The following ELOVL2 variants were observed in gnomAD, a reference collection of about 807,000 sequenced individuals.
The protein encoded by ELOVL2 is very long chain fatty acid elongase 2.
Under a neutral mutation model 37.7 loss-of-function variants are expected in ELOVL2, and 38 were observed. That is an observed-to-expected ratio of 1.01 (90% CI 0.78 to 1.32). The LOEUF is 1.32. Among genes scored for constraint, ELOVL2 ranks in the 40% most tolerant of loss-of-function variants. The pLI is 0.00. For missense variants in ELOVL2, 352 were observed against 363.6 expected, an observed-to-expected ratio of 0.97 and a Z score of 0.26; for synonymous variants, 115 against 122.3, an observed-to-expected ratio of 0.94 and a Z score of 0.40.
intron 1 of ELOVL2, among the ~76,000 whole-genome samples, chr6:11,034,602 A>G (rs76913231): frequency 0.3 from 44,877 of 150,820 alleles, 7,533 homozygotes; most frequent in East Asian, 0.64. Context: ...AGAATCACTC[A>G]AACTCAGGAG....
intron 1 of ELOVL2, chr6:11,015,963 A>G (rs1408055115): frequency 1.3e-5 from 2 of 152,342 alleles, no homozygotes; most frequent in African/African-American, 2.4e-5. Context: ...CTGCCTTGCA[A>G]TCAGAATCAC....
In ELOVL2 at chr6:11,040,079, G is replaced by T. The variant is rs554077397; in HGVS notation, c.3+4149C>A. On this transcript the variant is annotated intron_variant, in intron 1 of 7. Transcript: ENST00000354666. Reference sequence around the variant, plus strand: ...GAAAGAGATTTTGAAATATTTTCAAGTAAAAATATGAGAATATTAGACAAC... The same window carrying T: ...GAAAGAGATTTTGAAATATTTTCAATTAAAAATATGAGAATATTAGACAAC... Among the ~76,000 whole-genome samples, 8 of 152,192 alleles carry T rather than the reference G, an allele frequency of 5.3e-5. No individual in the cohort carries two copies. The South Asian group carries it at 1.7e-3, about 32-fold the overall frequency.
intron 4 of ELOVL2, among the ~76,000 whole-genome samples, chr6:10,998,747 A>G (rs1480960127): frequency 6.6e-6 from 1 of 152,202 alleles, no homozygotes; most frequent in Admixed American, 6.5e-5. Context: ...ATTATCTAAG[A>G]AACCTAATCT....
At chr6:11,038,992 G>A (rs561296744) in intron 1 of ELOVL2, among the ~76,000 whole-genome samples, 90 of 152,316 alleles carry the variant, frequency 5.9e-4, no homozygotes, top group African/African-American at 1.9e-3. Flanking sequence ...GTGTGAATAT[G>A]GTGTGTGACA....
intron 7 of ELOVL2, among the ~76,000 whole-genome samples, chr6:10,984,289 A>G (rs1782001873): frequency 1.3e-5 from 2 of 152,144 alleles, no homozygotes; most frequent in Admixed American, 1.3e-4. Flanking sequence ...AAGTACTAAG[A>G]TTACAGGCGT....
chr6:11,008,210 A>G (rs889499611), intron 2 of ELOVL2, among the ~76,000 whole-genome samples: 1 of 152,142 alleles, frequency 6.6e-6, no homozygotes, highest in Non-Finnish European at 1.5e-5. Context: ...GTCAGTGTGG[A>G]GCTCATCTGA....
chr6:11,032,113 C>T (rs1257011823), intron 1 of ELOVL2, among the ~76,000 whole-genome samples: 1 of 152,104 alleles, frequency 6.6e-6, no homozygotes, highest in African/African-American at 2.4e-5. Flanking sequence ...CGGCTACAGA[C>T]ATGTAGAGAA....
Position 10,988,520 on chromosome 6 carries a change from C to A in ELOVL2, c.765+1183G>T, listed in dbSNP as rs547522527. On this transcript the variant is annotated intron_variant, in intron 7 of 7. Transcript: ENST00000354666. ...CAGAGGTTGTGTTGAGCCGAGACTGCGCCATTGCACTCCAGCCTGGGCAAT... is the reference window on the plus strand; with the variant it reads ...CAGAGGTTGTGTTGAGCCGAGACTGAGCCATTGCACTCCAGCCTGGGCAAT... 2.0e-5 allele frequency among the ~76,000 whole-genome samples: 3 copies of A among 152,138 alleles called. No individual in the cohort carries two copies. The East Asian group carries it at 5.8e-4, about 29-fold the overall frequency.
In ELOVL2 at chr6:10,983,553, C is replaced by G. The variant is rs549523699; in HGVS notation, c.*228G>C. 5 of 366,246 alleles carry G rather than the reference C, an allele frequency of 1.4e-5. No homozygotes were observed. The highest frequency in any genetic ancestry group is 7.6e-4 in the Middle Eastern group (1 of 1,320). The allele number at this position is 366,246 out of a possible 1,614,324, so 22.7% of individuals were successfully genotyped here. A position where few individuals can be genotyped will look rare whatever the true frequency, so the allele number is the denominator to read the frequency against. ...TCTGTGGGAGGGAGGGAGAGAGAAG[C>G]TGCACCAGTTCTGAGGTCCTCGGAG... On this transcript the variant is annotated 3_prime_UTR_variant, in exon 8 of 8. Transcript: ENST00000354666.
Position 11,005,486 on chromosome 6 carries a change from G to A in ELOVL2, c.141C>T (p.Leu47=). 1 of 1,614,128 alleles carries A rather than the reference G, an allele frequency of 6.2e-7. No homozygotes were observed. Among genetic ancestry groups the A allele is most frequent in the South Asian group, 1.1e-5 (1 of 91,074 alleles). The change falls in exon 3 of 8, where the codon CTC becomes CTT. Residue 47 remains leucine, a synonymous_variant. Coordinates refer to ENST00000354666, the MANE Select transcript of ELOVL2 (RefSeq NM_017770.4). Reference sequence around the variant, plus strand: ...TATACTTGTTACCCAGCCATATTGAGAGCAGATACATGACAGTAAGAAAAA... The same window carrying A: ...TATACTTGTTACCCAGCCATATTGAAAGCAGATACATGACAGTAAGAAAAA... ...PTFFLTVMYL[L]SIWLGNKYMK... is the part of the protein sequence containing the mutation.
chr6:11,000,007 C>T, intron 4 of ELOVL2, 80 bp downstream of exon 4: 2 of 1,257,252 alleles, frequency 1.6e-6, no homozygotes, highest in Non-Finnish European at 2.3e-6. Flanking sequence ...AGCCTCAGCC[C>T]TCTATCTGGA....
At chr6:11,037,286 T>C (rs889864417) in intron 1 of ELOVL2, among the ~76,000 whole-genome samples, 25 of 151,790 alleles carry the variant, frequency 1.6e-4, no homozygotes, top group African/African-American at 5.8e-4. Context: ...TTAATCTAAC[T>C]CCTCAGTGTA....
At chr6:11,008,164 A>G (rs1036924737) in intron 2 of ELOVL2, among the ~76,000 whole-genome samples, 2 of 152,000 alleles carry the variant, frequency 1.3e-5, no homozygotes, top group African/African-American at 4.8e-5. Context: ...TTAGGAAGAA[A>G]AAAGGATTCC....
At chr6:11,007,294 T>C (rs1416872777) in intron 2 of ELOVL2, among the ~76,000 whole-genome samples, 1 of 151,908 alleles carries the variant, frequency 6.6e-6, no homozygotes, top group Non-Finnish European at 1.5e-5. Context: ...GAAAATAGAG[T>C]CTTTGCAGAT....
chr6:11,004,448 A>C (rs1018603460), intron 3 of ELOVL2, among the ~76,000 whole-genome samples: 4 of 144,126 alleles, frequency 2.8e-5, no homozygotes, highest in African/African-American at 7.6e-5. Context: ...CAAGTTATTT[A>C]ACACTTTTAG....
chr6:11,019,743 G>A (rs1276675571), intron 1 of ELOVL2, among the ~76,000 whole-genome samples: 1 of 150,058 alleles, frequency 6.7e-6, no homozygotes, highest in Non-Finnish European at 1.5e-5. Flanking sequence ...TTTTGTTGTT[G>A]TTGTTGTTGT....
chr6:11,018,553 G>A (rs558405789), intron 1 of ELOVL2, among the ~76,000 whole-genome samples: 2 of 152,264 alleles, frequency 1.3e-5, no homozygotes, highest in African/African-American at 2.4e-5. Context: ...TTTAATGTTC[G>A]TAAGTCACCT....
At chr6:11,009,072 T>C (rs986518435) in intron 2 of ELOVL2, among the ~76,000 whole-genome samples, 6 of 152,212 alleles carry the variant, frequency 3.9e-5, no homozygotes, top group Non-Finnish European at 8.8e-5. Flanking sequence ...TTGGAAAATA[T>C]ACAGTGCTGA....
At chr6:10,993,804 C>T (rs1782209272) in intron 5 of ELOVL2, among the ~76,000 whole-genome samples, 1 of 151,714 alleles carries the variant, frequency 6.6e-6, no homozygotes, top group Non-Finnish European at 1.5e-5. Flanking sequence ...CCTCCCACCT[C>T]AGCCTCCCGA....
Sources: allele counts gnomAD v4.1 joint callset (sites outside exome capture counted in the v4.1 genomes callset), GRCh38; gene constraint gnomAD v4.1.1; transcripts MANE v1.5; gene names NCBI Gene and HGNC (gene_info 2026-07-23, HGNC 2026-07-21).